Variants in ZGRF1 observed in about 807,000 individuals in gnomAD.
ZGRF1 encodes 5'-3' DNA helicase ZGRF1.
In ZGRF1, 196 loss-of-function variants were observed where a neutral mutation model predicts 203.5. The ratio of observed to expected loss-of-function variants is 0.96; its 90% CI spans 0.86 to 1.08. The LOEUF is 1.08. ZGRF1 is among the 50% of genes least tolerant of loss of function. The probability of loss-of-function intolerance (pLI) is 0.00; values close to 1 mark genes in which losing one functional copy is unlikely to be tolerated. For synonymous variants in ZGRF1, 809 were observed against 841.3 expected, an observed-to-expected ratio of 0.96 and a Z score of 0.66; for missense variants, 2,326 against 2,416.3, an observed-to-expected ratio of 0.96 and a Z score of 0.78.
Position 112,581,324 on chromosome 4 carries a change from T to A in ZGRF1, c.4438+339A>T, listed in dbSNP as rs533716269. Among the ~76,000 whole-genome samples, 75 of 150,718 alleles carry A rather than the reference T, an allele frequency of 5.0e-4. No homozygotes were observed. The South Asian group carries it at 9.6e-3, about 19-fold the overall frequency. On this transcript the variant is annotated intron_variant, in intron 16 of 27. Transcript: ENST00000505019. ...GGATAGCATTAGGAGATATACCTAA[T>A]GTTAAATGATGAGTTAATGGGTGCA...
At chr4:112,554,030 A>T in intron 21 of ZGRF1, 48 bp from the exon 22 acceptor site, 1 of 1,509,510 alleles carries the variant, frequency 6.6e-7, no homozygotes, top group South Asian at 1.3e-5. Context: ...TTTTCATAAC[A>T]TCACAGTAAA....
At chr4:112,610,983 G>A (rs536989690) in intron 7 of ZGRF1, 81 of 269,574 alleles carry the variant, frequency 3.0e-4, no homozygotes, top group Non-Finnish European at 5.4e-4. Context: ...AATATTCTGA[G>A]AGGCAGGGTA....
At chr4:112,554,222 G>A (rs1374904323) in intron 21 of ZGRF1, among the ~76,000 whole-genome samples, 4 of 97,608 alleles carry the variant, frequency 4.1e-5, no homozygotes, top group Non-Finnish European at 7.6e-5. Context: ...CCCACAACAC[G>A]CCCCAGTGTG....
chr4:112,616,017 A>G (rs1162486994), intron 6 of ZGRF1, among the ~76,000 whole-genome samples: 1 of 152,206 alleles, frequency 6.6e-6, no homozygotes, highest in Non-Finnish European at 1.5e-5. Context: ...TAGTAGGTAC[A>G]ATAAGTTAAT....
intron 4 of ZGRF1, 86 bp downstream of exon 4, chr4:112,623,731 T>C: frequency 1.4e-6 from 1 of 703,234 alleles, no homozygotes; most frequent in Non-Finnish European, 2.5e-6. Flanking sequence ...ATTAATATTA[T>C]GACTACACTA....
At chr4:112,550,746 G>A (rs938566319) in intron 22 of ZGRF1, among the ~76,000 whole-genome samples, 2 of 152,116 alleles carry the variant, frequency 1.3e-5, no homozygotes, top group Admixed American at 6.5e-5. Context: ...TCAGCTACTC[G>A]GGAGGATGAG....
At position 112,618,163 on chromosome 4, in the gene ZGRF1, T is replaced by C. The variant is rs1391079824; in HGVS notation, c.1879A>G (p.Lys627Glu). The C allele has an allele frequency of 6.2e-7, 1 of 1,613,596 alleles. No individual in the cohort carries two copies. The highest frequency in any genetic ancestry group is 1.3e-5 in the African/African-American group (1 of 74,910). ...TYVGFDMGIC[K>E]TENTGKEIEE... ...ATTTCTTTTCCTGTGTTTTCAGTTT[T>C]ACATATTCCCATGTCAAAACCCACA... is the stretch of plus-strand genomic sequence containing the variant. The change falls in exon 6 of 28, where the codon AAA (lysine) becomes GAA (glutamate). Residue 627 changes from lysine to glutamate, a missense_variant. Transcript: ENST00000505019.
chr4:112,561,348 G>A (rs1275114744), intron 18 of ZGRF1: 2 of 213,572 alleles, frequency 9.4e-6, no homozygotes, highest in East Asian at 1.1e-4. Flanking sequence ...CAAATAAGTG[G>A]CGGACTGACT....
chr4:112,603,415 T>C (rs1484824987), intron 10 of ZGRF1, 109 bp downstream of exon 10: 2 of 626,086 alleles, frequency 3.2e-6, no homozygotes, highest in South Asian at 3.1e-5. Flanking sequence ...CAATTTACTG[T>C]ACTCCTTTTT....
chr4:112,549,769 C>T (rs1480883248), intron 22 of ZGRF1, among the ~76,000 whole-genome samples: 1 of 151,848 alleles, frequency 6.6e-6, no homozygotes, highest in Non-Finnish European at 1.5e-5. Context: ...AGAATGTACT[C>T]CTACTTCTTA....
chr4:112,584,975 T>A (rs1746919965), intron 14 of ZGRF1, among the ~76,000 whole-genome samples: 1 of 152,264 alleles, frequency 6.6e-6, no homozygotes, highest in Admixed American at 6.5e-5. Flanking sequence ...GATTACATGG[T>A]AGACTAGTTT....
intron 16 of ZGRF1, among the ~76,000 whole-genome samples, chr4:112,578,001 C>T (rs1745545940): frequency 8.1e-6 from 1 of 122,714 alleles, no homozygotes; most frequent in African/African-American, 2.8e-5. Flanking sequence ...CACACCACAC[C>T]TATTCCAAAA....
Position 112,587,544 on chromosome 4 carries a change from G to T in ZGRF1, c.3513C>A (p.Phe1171Leu), listed in dbSNP as rs1169821410. The T allele has an allele frequency of 6.2e-7, 1 of 1,613,760 alleles. No homozygotes were observed. The highest frequency in any genetic ancestry group is 8.5e-7 in the Non-Finnish European group (1 of 1,179,854). Reference sequence around the variant, plus strand: ...GCATCCCAGAAACAGCCTCAGCAAAGAAGCCATCAGTTATTCTCTTATCAA... The same window carrying T: ...GCATCCCAGAAACAGCCTCAGCAAATAAGCCATCAGTTATTCTCTTATCAA... ...NRVDKRITDG[F>L]FAEAVSGMHF... is the part of the protein sequence containing the mutation. Residue 1171 changes from phenylalanine to leucine, a missense_variant, in exon 12 of 28, where the codon TTC becomes TTA. Transcript: ENST00000505019.
intron 24 of ZGRF1, 34 bp from the exon 25 acceptor site, chr4:112,541,302 A>AT (rs201056012): frequency 1.5e-6 from 2 of 1,315,344 alleles, no homozygotes; most frequent in Non-Finnish European, 1.0e-6. Flanking sequence ...ATAAAACATA[A>AT]TTTTTTTGTT....
rs546329785 is a variant in ZGRF1 at position 112,572,865 on chromosome 4, C to T, written c.4438+8798G>A. 2.0e-5 allele frequency among the ~76,000 whole-genome samples: 3 copies of T among 152,288 alleles called. No individual in the cohort carries two copies. In the East Asian group the frequency reaches 5.8e-4, roughly 29 times the overall value. ...AACCACAAGGCAATACTGCCTTAAT[C>T]CTGCAAGAATGGCCATAATCAAAAA... On this transcript the variant is annotated intron_variant, in intron 16 of 27. Coordinates refer to ENST00000505019, the MANE Select transcript of ZGRF1 (RefSeq NM_018392.5).
Position 112,617,422 on chromosome 4 carries a change from T to G in ZGRF1, c.2602+18A>C, listed in dbSNP as rs777979760. ...GACCTATAAAGAAAACATTCCAAAA[T>G]AGACATGCAATTCTAACCTTCAGGA... On this transcript the variant is annotated intron_variant, in intron 6 of 27. Coordinates refer to ENST00000505019, the MANE Select transcript of ZGRF1 (RefSeq NM_018392.5). The G allele has an allele frequency of 6.6e-7, 1 of 1,505,652 alleles. No homozygotes were observed. The highest frequency in any genetic ancestry group is 1.4e-5 in the African/African-American group (1 of 71,548). The allele number at this position is 1,505,652 out of a possible 1,614,324, so 93.3% of individuals were successfully genotyped here.
At chr4:112,588,498 C>G (rs1475692575) in intron 11 of ZGRF1, among the ~76,000 whole-genome samples, 1 of 152,026 alleles carries the variant, frequency 6.6e-6, no homozygotes, top group Non-Finnish European at 1.5e-5. Flanking sequence ...TTATTTTGAT[C>G]TAATGGTGTT....
intron 15 of ZGRF1, among the ~76,000 whole-genome samples, chr4:112,583,084 G>C (rs537829000): frequency 1.3e-5 from 2 of 152,080 alleles, no homozygotes; most frequent in Admixed American, 6.6e-5. Context: ...TATAAAACGG[G>C]AATAACTTAT....
At chr4:112,573,178 A>ACACC (rs1744504550) in intron 16 of ZGRF1, among the ~76,000 whole-genome samples, 1 of 151,122 alleles carries the variant, frequency 6.6e-6, no homozygotes. Flanking sequence ...ACACACACAC[A>ACACC]CACACACACA....
Sources: allele counts gnomAD v4.1 joint callset (sites outside exome capture counted in the v4.1 genomes callset), GRCh38; gene constraint gnomAD v4.1.1; transcripts MANE v1.5; gene names NCBI Gene and HGNC (gene_info 2026-07-23, HGNC 2026-07-21).